Variants in CDC27 observed in about 807,000 individuals in gnomAD.
The protein encoded by CDC27 is cell division cycle 27.
CDC27 carries 27 observed loss-of-function variants against 109.7 expected under a neutral mutation model. The ratio of observed to expected loss-of-function variants is 0.25; its 90% CI spans 0.18 to 0.34. The LOEUF (loss-of-function observed/expected upper bound fraction) is 0.34. Ranked by LOEUF, CDC27 falls within the 10% of genes least tolerant of loss-of-function variation. CDC27 has a pLI of 1.00. For missense variants in CDC27, 579 were observed against 960.2 expected (o/e 0.60, Z 5.25); for synonymous variants, 266 against 333.9 (o/e 0.80, Z 2.22).
intron 15 of CDC27, 112 bp from the exon 16 acceptor site, chr17:47,129,633 G>T: frequency 1.6e-6 from 1 of 628,462 alleles, no homozygotes; most frequent in Non-Finnish European, 2.7e-6. Context: ...AAGGTTGTAG[G>T]GTCTAACTGG....
chr17:47,157,459 A>G, intron 5 of CDC27, 75 bp from the exon 6 acceptor site: 1 of 1,150,918 alleles, frequency 8.7e-7, no homozygotes. Context: ...TGCATAAATC[A>G]GTGGAAACAG....
In CDC27 at chr17:47,170,042, C is replaced by T. The variant is rs757268009; in HGVS notation, c.252G>A (p.Lys84=). 58 of 1,502,642 alleles carry T rather than the reference C, an allele frequency of 3.9e-5. No individual in the cohort carries two copies. Among genetic ancestry groups the T allele is most frequent in the Non-Finnish European group, 4.8e-5 (54 of 1,128,678 alleles). The allele number at this position is 1,502,642 out of a possible 1,614,324, so 93.1% of individuals were successfully genotyped here. The change falls in exon 4 of 19, where the codon AAG becomes AAA. Residue 84 remains lysine (K), a splice_region_variant and synonymous_variant. Coordinates refer to ENST00000066544, the MANE Select transcript of CDC27 (RefSeq NM_001256.6). ...LLAKCCVDLS[K]LAEGEQILSG... is the part of the protein sequence containing the mutation. ...ATAAGATTTGTTCCCCTTCTGCAAG[C>T]CTTTAAAATACAAATTTAAAGATTT...
chr17:47,183,865 C>A (rs948386555), intron 1 of CDC27, among the ~76,000 whole-genome samples: 1 of 152,050 alleles, frequency 6.6e-6, no homozygotes, highest in Non-Finnish European at 1.5e-5. Flanking sequence ...CACTCTTGTA[C>A]GTTAGTCTTA....
At chr17:47,169,783 AAGGTCAT>A in intron 4 of CDC27, 127 bp downstream of exon 4, 1 of 545,604 alleles carries the variant, frequency 1.8e-6, no homozygotes, top group Non-Finnish European at 2.9e-6. Flanking sequence ...CTATTTTAAT[AAGGTCAT>A]AGAATCAGAC....
intron 2 of CDC27, 123 bp from the exon 3 acceptor site, chr17:47,172,187 C>T (rs1259236034): frequency 1.8e-6 from 1 of 568,466 alleles, no homozygotes; most frequent in African/African-American, 2.0e-5. Context: ...ACAAAACAAT[C>T]ACTTATTAAT....
chr17:47,121,001 G>C lies in CDC27; in HGVS notation c.2409C>G (p.Ser803=). ...QEEQIMGTDE[S]QESSMTDADD... ...CCGCATCTGTCATGCTGCTCTCCTGGGATTCATCTGTTCCCACTTTAAAAA... is the reference window on the plus strand; with the variant it reads ...CCGCATCTGTCATGCTGCTCTCCTGCGATTCATCTGTTCCCACTTTAAAAA... The change falls in exon 19 of 19, where the codon TCC becomes TCG. Residue 803 remains serine, a synonymous_variant. Transcript: ENST00000066544. 1 of 1,610,608 alleles carries C rather than the reference G, an allele frequency of 6.2e-7. No homozygotes were observed.
At chr17:47,174,305 A>T (rs1405983590) in intron 2 of CDC27, among the ~76,000 whole-genome samples, 1 of 152,198 alleles carries the variant, frequency 6.6e-6, no homozygotes, top group African/African-American at 2.4e-5. Context: ...ATTGACAAAG[A>T]TTTCATCTAG....
At position 47,157,394 on chromosome 17, in the gene CDC27, CA is replaced by C. The variant is rs11372544; in HGVS notation, c.476-11del. ...GGATCTGGCTTTTCACCTGTGAAGA[CA>C]AAAAAAAAAAAAGTTTGTCTCTGAG... On this transcript the variant is annotated splice_polypyrimidine_tract_variant and intron_variant, in intron 5 of 18. Coordinates refer to ENST00000066544, the MANE Select transcript of CDC27 (RefSeq NM_001256.6). 56,211 of 1,335,556 alleles carry C rather than the reference CA, an allele frequency of 0.042. No individual in the cohort carries two copies. Among genetic ancestry groups the C allele is most frequent in the East Asian group, 0.11 (3,868 of 36,306 alleles). The allele number at this position is 1,335,556 out of a possible 1,614,324, so 82.7% of individuals were successfully genotyped here.
rs1308730727 is a variant in CDC27, at chr17:47,163,214, T to C, written c.378-4911A>G. On this transcript the variant is annotated intron_variant, in intron 4 of 18. Coordinates refer to ENST00000066544, the MANE Select transcript of CDC27 (RefSeq NM_001256.6). ...AACATAGAAGTCTCATGTGCTGTAA[T>C]AGACAAAAAGACAAAAAAAAGTCTA... is the stretch of plus-strand genomic sequence containing the variant. Among the ~76,000 whole-genome samples the C allele has an allele frequency of 4.5e-5, 6 of 134,586 alleles. No individual in the cohort carries two copies. The East Asian group carries it at 9.9e-4, about 22-fold the overall frequency. 88.3% of individuals were successfully genotyped at this position (134,586 alleles called of 152,430 possible). A position where few individuals can be genotyped will look rare whatever the true frequency, so the allele number is the denominator to read the frequency against.
At chr17:47,157,486 A>G in intron 5 of CDC27, 102 bp from the exon 6 acceptor site, 1 of 784,646 alleles carries the variant, frequency 1.3e-6, no homozygotes, top group Non-Finnish European at 2.0e-6. Context: ...GGCCTTATCC[A>G]AACTTTAAAA....
At chr17:47,122,742 T>G (rs766211263) in intron 17 of CDC27, 142 bp from the exon 18 acceptor site, 92 of 481,304 alleles carry the variant, frequency 1.9e-4, no homozygotes, top group Non-Finnish European at 2.8e-4. Context: ...GGCACGATCT[T>G]GGCTCACTGC....
rs549356748 is a variant in CDC27 at position 47,174,002 on chromosome 17, G to C, written c.104-1938C>G. Among the ~76,000 whole-genome samples the C allele has an allele frequency of 2.0e-5, 3 of 152,374 alleles. No homozygotes were observed. In the South Asian group the frequency reaches 6.2e-4, roughly 32 times the overall value. ...CCAGCTACTCCGGAGGCTGAGGCAG[G>C]AGAATCGCCTGGACCCAGGAGGCAG... On this transcript the variant is annotated intron_variant, in intron 2 of 18. Coordinates refer to ENST00000066544, the MANE Select transcript of CDC27 (RefSeq NM_001256.6).
At chr17:47,172,091 C>T (rs1291523259) in intron 2 of CDC27, 27 bp from the exon 3 acceptor site, 5 of 1,497,190 alleles carry the variant, frequency 3.3e-6, no homozygotes, top group Non-Finnish European at 4.5e-6. Flanking sequence ...TTTAAAAAGG[C>T]TATTGTTCAG....
intron 9 of CDC27, among the ~76,000 whole-genome samples, chr17:47,148,941 T>C (rs1266286318): frequency 6.6e-6 from 1 of 151,818 alleles, no homozygotes. Flanking sequence ...TAGCTGAGCA[T>C]GATAGCACAT....
At chr17:47,179,149 G>A (rs553739887) in intron 2 of CDC27, among the ~76,000 whole-genome samples, 15 of 152,244 alleles carry the variant, frequency 9.9e-5, no homozygotes, top group African/African-American at 3.4e-4. Context: ...AGACAAATGG[G>A]CGACAAAGAA....
At chr17:47,159,139 T>C (rs2063411745) in intron 4 of CDC27, 1 of 331,336 alleles carries the variant, frequency 3.0e-6, no homozygotes, top group Non-Finnish European at 5.5e-6. Context: ...TTTTTATTTG[T>C]TGTTGTTTTT....
chr17:47,133,028 T>TACATAC (rs1819652726), intron 14 of CDC27, among the ~76,000 whole-genome samples: 5 of 29,824 alleles, frequency 1.7e-4, no homozygotes, highest in Non-Finnish European at 2.3e-4. Context: ...TATATATATA[T>TACATAC]ACACACACAC....
intron 15 of CDC27, among the ~76,000 whole-genome samples, chr17:47,131,593 C>T (rs2062335914): frequency 6.6e-6 from 1 of 151,974 alleles, no homozygotes; most frequent in African/African-American, 2.4e-5. Flanking sequence ...ACCGTACTTA[C>T]ACAGAAGCTA....
intron 2 of CDC27, among the ~76,000 whole-genome samples, chr17:47,172,467 T>C (rs1188727773): frequency 6.6e-6 from 1 of 152,114 alleles, no homozygotes; most frequent in East Asian, 1.9e-4. Context: ...AACCTGAGTG[T>C]AAATAAATCT....
Sources: allele counts gnomAD v4.1 joint callset (sites outside exome capture counted in the v4.1 genomes callset), GRCh38; gene constraint gnomAD v4.1.1; transcripts MANE v1.5; gene names NCBI Gene and HGNC (gene_info 2026-07-23, HGNC 2026-07-21).